Variants in PITPNC1 observed in about 807,000 individuals in gnomAD.
PITPNC1 encodes the protein cytoplasmic phosphatidylinositol transfer protein 1.
In PITPNC1, 18 loss-of-function variants were observed where a neutral mutation model predicts 44.7. The observed-to-expected ratio is 0.40, with a 90% CI of 0.28 to 0.60. The LOEUF (loss-of-function observed/expected upper bound fraction) is 0.60. Ranked by LOEUF, PITPNC1 falls within the 20% of genes least tolerant of loss-of-function variation. The pLI is 0.39. For missense variants in PITPNC1, 290 were observed against 418.4 expected (o/e 0.69, Z 2.68); for synonymous variants, 141 against 149.6 (o/e 0.94, Z 0.42).
intron 1 of PITPNC1, chr17:67,379,189 G>A: frequency 1.0e-6 from 1 of 985,786 alleles, no homozygotes; most frequent in Non-Finnish European, 1.2e-6. Context: ...TCACTAGTGT[G>A]GTTTGGTGTG....
chr17:67,615,489 A>G (rs1320613985), intron 5 of PITPNC1, among the ~76,000 whole-genome samples: 4 of 152,176 alleles, frequency 2.6e-5, no homozygotes, highest in African/African-American at 9.7e-5. Context: ...CGCACGAGCC[A>G]TAGCCAGCCA....
At chr17:67,543,204 C>T (rs139320456) in intron 2 of PITPNC1, among the ~76,000 whole-genome samples, 342 of 152,232 alleles carry the variant, frequency 2.2e-3, no homozygotes, top group Non-Finnish European at 4.3e-3. Flanking sequence ...AGCCAGATGG[C>T]GTCATTCTGC....
At chr17:67,613,459 T>A (rs1168619733) in intron 5 of PITPNC1, 1 of 152,102 alleles carries the variant, frequency 6.6e-6, no homozygotes, top group Non-Finnish European at 1.5e-5. Context: ...TAAATAACGT[T>A]AAAAAAGAGA....
chr17:67,489,497 T>C (rs1193608327), intron 1 of PITPNC1, among the ~76,000 whole-genome samples: 1 of 152,204 alleles, frequency 6.6e-6, no homozygotes, highest in Non-Finnish European at 1.5e-5. Context: ...AAATCAATGA[T>C]GTTTCATGTT....
chr17:67,665,688 A>C (rs551153762), intron 6 of PITPNC1, among the ~76,000 whole-genome samples: 1 of 152,322 alleles, frequency 6.6e-6, no homozygotes, highest in African/African-American at 2.4e-5. Flanking sequence ...TGATACGTCG[A>C]ATAGGGTTGA....
chr17:67,470,400 C>A (rs1463703139), intron 1 of PITPNC1, among the ~76,000 whole-genome samples: 1 of 152,232 alleles, frequency 6.6e-6, no homozygotes, highest in Non-Finnish European at 1.5e-5. Context: ...TCTCTCTACC[C>A]CCCACATTCC....
intron 6 of PITPNC1, among the ~76,000 whole-genome samples, chr17:67,650,228 G>T (rs749129903): frequency 6.6e-6 from 1 of 152,142 alleles, no homozygotes; most frequent in Admixed American, 6.6e-5. Flanking sequence ...AATCTATTTT[G>T]TATTACATCA....
In PITPNC1 at chr17:67,405,989, A is replaced by G. The variant is rs529513384; in HGVS notation, c.48+27787A>G. 2.6e-4 allele frequency among the ~76,000 whole-genome samples: 40 copies of G among 152,236 alleles called. No individual in the cohort carries two copies. In the South Asian group the frequency reaches 3.5e-3, roughly 13 times the overall value. On this transcript the variant is annotated intron_variant, in intron 1 of 8. Coordinates refer to ENST00000581322, the MANE Select transcript of PITPNC1 (RefSeq NM_012417.4). ...ATTATAGATGATTTAGTCTTCAATA[A>G]CTTGCTATTTTTTCCTAGTAACTTT...
At chr17:67,641,369 A>G (rs114440036) in intron 6 of PITPNC1, among the ~76,000 whole-genome samples, 2,056 of 152,318 alleles carry the variant, frequency 0.013, 45 homozygotes, top group African/African-American at 0.048. Context: ...TAATGCATAA[A>G]TAGTATTATT....
At chr17:67,407,901 A>G (rs1233643492) in intron 1 of PITPNC1, among the ~76,000 whole-genome samples, 1 of 152,208 alleles carries the variant, frequency 6.6e-6, no homozygotes, top group Non-Finnish European at 1.5e-5. Flanking sequence ...CATCTCAGAC[A>G]TGAGTGTGAA....
chr17:67,628,563 C>A (rs879673836), intron 5 of PITPNC1, among the ~76,000 whole-genome samples: 4 of 152,180 alleles, frequency 2.6e-5, no homozygotes, highest in African/African-American at 9.7e-5. Context: ...GTTCAGACTT[C>A]ATTGGAGAAG....
At chr17:67,413,957 G>T (rs1321594365) in intron 1 of PITPNC1, among the ~76,000 whole-genome samples, 1 of 152,024 alleles carries the variant, frequency 6.6e-6, no homozygotes, top group Non-Finnish European at 1.5e-5. Flanking sequence ...GGGATTTATT[G>T]GTATTGCTAC....
intron 1 of PITPNC1, among the ~76,000 whole-genome samples, chr17:67,466,628 G>A (rs73342155): frequency 0.012 from 1,763 of 152,212 alleles, 35 homozygotes; most frequent in African/African-American, 0.04. Context: ...CTTGCCTTCC[G>A]AATTCAGTGT....
Position 67,460,745 on chromosome 17 carries a change from T to G in PITPNC1, c.49-72057T>G, listed in dbSNP as rs1209272165. ...TTTTTTCTTTTTCTTTCTTTCTTTT[T>G]TTTTTTTTTTTTTTTTTGAGACGGA... On this transcript the variant is annotated intron_variant, in intron 1 of 8. Transcript: ENST00000581322. 3.7e-5 allele frequency among the ~76,000 whole-genome samples: 3 copies of G among 81,800 alleles called. No individual in the cohort carries two copies. The East Asian group carries it at 6.3e-4, about 17-fold the overall frequency. 53.7% of individuals were successfully genotyped at this position (81,800 alleles called of 152,430 possible). A position where few individuals can be genotyped will look rare whatever the true frequency, so the allele number is the denominator to read the frequency against.
At chr17:67,434,270 T>A (rs376430662) in intron 1 of PITPNC1, among the ~76,000 whole-genome samples, 1 of 152,304 alleles carries the variant, frequency 6.6e-6, no homozygotes, top group African/African-American at 2.4e-5. Context: ...CCACACAAGA[T>A]TACCAGAAAC....
At chr17:67,531,490 C>T (rs1598787254) in intron 1 of PITPNC1, among the ~76,000 whole-genome samples, 1 of 152,152 alleles carries the variant, frequency 6.6e-6, no homozygotes, top group Admixed American at 6.6e-5. Context: ...GGGCTCGGTC[C>T]CCAGGGCTGG....
chr17:67,587,314 C>G (rs1200703505), intron 5 of PITPNC1, among the ~76,000 whole-genome samples: 1 of 151,276 alleles, frequency 6.6e-6, no homozygotes, highest in African/African-American at 2.4e-5. Context: ...TGTTGAGACC[C>G]CCATCTCTAC....
chr17:67,438,808 C>T (rs1347023936), intron 1 of PITPNC1, among the ~76,000 whole-genome samples: 2 of 152,346 alleles, frequency 1.3e-5, no homozygotes, highest in South Asian at 2.1e-4. Flanking sequence ...CTGCTGCTGA[C>T]TTACGGCTAC....
chr17:67,472,443 C>T (rs922978578), intron 1 of PITPNC1, among the ~76,000 whole-genome samples: 3 of 147,842 alleles, frequency 2.0e-5, no homozygotes, highest in Non-Finnish European at 3.0e-5. Flanking sequence ...GTCAGGAGAT[C>T]GAGACCATCC....
Sources: gnomAD v4.1 joint callset for allele counts (sites outside exome capture counted in the v4.1 genomes callset) on GRCh38, gnomAD v4.1.1 for gene constraint, MANE v1.5 for transcripts, NCBI Gene and HGNC (gene_info 2026-07-23, HGNC 2026-07-21) for gene names.